POLR1A: variants seen among roughly 807,000 people sequenced by gnomAD.
The protein encoded by POLR1A is DNA-directed RNA polymerase I subunit RPA1.
A neutral mutation model predicts 205.3 loss-of-function variants in POLR1A; 84 were observed. That is an observed-to-expected ratio of 0.41 (90% CI 0.34 to 0.49). POLR1A has a LOEUF of 0.49. Among genes scored for constraint, POLR1A ranks in the 20% least tolerant of loss-of-function variants. The pLI is 0.22. For synonymous variants in POLR1A, 799 were observed against 863.7 expected (o/e 0.93, Z 1.31); for missense variants, 1,645 against 2,204.5 (o/e 0.75, Z 5.08).
At chr2:86,103,308 G>A (rs1392519433) in intron 1 of POLR1A, among the ~76,000 whole-genome samples, 1 of 152,124 alleles carries the variant, frequency 6.6e-6, no homozygotes, top group East Asian at 1.9e-4. Flanking sequence ...AAGGTCCTGA[G>A]GTGGATGTGT....
chr2:86,049,074 G>T, intron 17 of POLR1A, 32 bp from the exon 18 acceptor site: 1 of 1,614,020 alleles, frequency 6.2e-7, no homozygotes, highest in Non-Finnish European at 8.5e-7. Context: ...AGCGGAGGCT[G>T]AGGCCAAACG....
chr2:86,082,839 C>T (rs1169521661), intron 7 of POLR1A, among the ~76,000 whole-genome samples: 1 of 152,162 alleles, frequency 6.6e-6, no homozygotes, highest in Non-Finnish European at 1.5e-5. Context: ...GGCCCACCTG[C>T]AGTTGTCATT....
chr2:86,049,033 C>G lies in POLR1A; in HGVS notation c.2485G>C (p.Ala829Pro), dbSNP rs940518585. ...STHCGPQAVR[A>P]ALNLPEAASY... ...GCGGCTTCTGGCAGGTTTAATGCAGCCCTGACAGCCTAGAATGAGAACAGA... is the reference window on the plus strand; with the variant it reads ...GCGGCTTCTGGCAGGTTTAATGCAGGCCTGACAGCCTAGAATGAGAACAGA... Residue 829 changes from alanine to proline, a missense_variant, in exon 18 of 34, where the codon GCT becomes CCT. Physicochemically the swap from Ala to Pro is conservative, Grantham distance 27 (BLOSUM62 -1). Around this residue, in one of 16 missense-constraint regions of POLR1A, gnomAD observed 339 missense variants for 415.1 expected, o/e 0.82. Coordinates refer to ENST00000263857, the MANE Select transcript of POLR1A (RefSeq NM_015425.6). The G allele has an allele frequency of 4.3e-6, 7 of 1,614,204 alleles. No individual in the cohort carries two copies. The highest frequency in any genetic ancestry group is 1.3e-5 in the African/African-American group (1 of 75,056).
intron 11 of POLR1A, among the ~76,000 whole-genome samples, chr2:86,076,727 G>T (rs1478413066): frequency 6.6e-6 from 1 of 152,198 alleles, no homozygotes; most frequent in Non-Finnish European, 1.5e-5. Context: ...CCAGCACCTA[G>T]AAGATAGAAA....
chr2:86,099,522 C>T (rs1166587879), intron 2 of POLR1A, among the ~76,000 whole-genome samples: 3 of 152,000 alleles, frequency 2.0e-5, no homozygotes, highest in African/African-American at 7.3e-5. Flanking sequence ...GAGCTTCATT[C>T]TGACCTCACT....
chr2:86,039,399 C>T lies in POLR1A; in HGVS notation c.3804G>A (p.Val1268=), dbSNP rs1356155116. The change falls in exon 26 of 34, where the codon GTG becomes GTA. Residue 1268 remains valine (V), a synonymous_variant. Transcript: ENST00000263857. ...NIKTPMMSVP[V]LNTKKALKRV... Reference sequence around the variant, plus strand: ...TCTTCAGGGCTTTCTTGGTGTTGAGCACGGGCACGCTCATCATGGGTGTCT... The same window carrying T: ...TCTTCAGGGCTTTCTTGGTGTTGAGTACGGGCACGCTCATCATGGGTGTCT... 1.9e-6 allele frequency: 3 copies of T among 1,614,042 alleles called. No homozygotes were observed. In the African/African-American group the frequency reaches 4.0e-5, roughly 22 times the overall value.
chr2:86,056,355 G>A (rs1223332974), intron 14 of POLR1A, among the ~76,000 whole-genome samples: 2 of 151,968 alleles, frequency 1.3e-5, no homozygotes, highest in Admixed American at 1.3e-4. Flanking sequence ...GGGAGGCTGA[G>A]GCAGGAGAAT....
intron 23 of POLR1A, 35 bp from the exon 24 acceptor site, chr2:86,042,138 G>A (rs1168084451): frequency 6.9e-7 from 1 of 1,459,080 alleles, no homozygotes. Flanking sequence ...TATGTGGGAG[G>A]GATACCCAGT....
intron 26 of POLR1A, 150 bp downstream of exon 26, chr2:86,039,177 T>C: frequency 3.5e-6 from 3 of 847,206 alleles, no homozygotes; most frequent in Non-Finnish European, 5.6e-6. Context: ...GATCCATCTC[T>C]GCTCAGCACC....
chr2:86,027,138 C>T lies in POLR1A; in HGVS notation c.*285G>A, dbSNP rs977390988. 4.1e-6 allele frequency: 2 copies of T among 492,154 alleles called. No individual in the cohort carries two copies. The allele number at this position is 492,154 out of a possible 1,614,324, so 30.5% of individuals were successfully genotyped here. The stretch of plus-strand genomic sequence containing the variant: ...TATGCCACAGAGGCCTCCTGCAGCA[C>T]AGGTGAGGCCCCAGCCATCTCAGGG... On this transcript the variant is annotated 3_prime_UTR_variant, in exon 34 of 34. Coordinates refer to ENST00000263857, the MANE Select transcript of POLR1A (RefSeq NM_015425.6).
intron 3 of POLR1A, among the ~76,000 whole-genome samples, chr2:86,095,137 G>A (rs763626530): frequency 9.2e-5 from 14 of 152,300 alleles, no homozygotes; most frequent in Non-Finnish European, 1.8e-4. Context: ...CCCTTCCCAC[G>A]AAGCTTTGCT....
In POLR1A at chr2:86,048,963, C is replaced by A; in HGVS notation, c.2555G>T (p.Gly852Val). 2 of 1,613,556 alleles carry A rather than the reference C, an allele frequency of 1.2e-6. No individual in the cohort carries two copies. Among genetic ancestry groups the A allele is most frequent in the Non-Finnish European group, 1.7e-6 (2 of 1,179,422 alleles). ...CATGTTAAAATCCCTCTGGTCCTTG[C>A]CCAGATGGGCATCCTGCCATTTTCC... ...VRGKWQDAHL[G>V]KDQRDFNMID... Residue 852 changes from glycine to valine, a missense_variant, in exon 18 of 34, where the codon GGC (glycine) becomes GTC (valine). By Grantham distance (109) the Gly-to-Val change is moderately radical (BLOSUM62 -3). Coordinates refer to ENST00000263857, the MANE Select transcript of POLR1A (RefSeq NM_015425.6).
intron 1 of POLR1A, 73 bp downstream of exon 1, chr2:86,105,627 G>GCTTCTGGGAA: frequency 1.0e-6 from 1 of 989,722 alleles, no homozygotes; most frequent in Non-Finnish European, 1.6e-6. Context: ...GGGCAAAAGC[G>GCTTCTGGGAA]CTTCTGGGAA....
intron 28 of POLR1A, 49 bp downstream of exon 28, chr2:86,033,612 C>T (rs1384402402): frequency 2.5e-6 from 4 of 1,597,326 alleles, no homozygotes; most frequent in Non-Finnish European, 3.4e-6. Flanking sequence ...CCTGCCCAGT[C>T]TGGGGGCTGT....
intron 12 of POLR1A, among the ~76,000 whole-genome samples, chr2:86,072,838 C>A (rs1351824834): frequency 1.3e-5 from 2 of 152,222 alleles, no homozygotes; most frequent in Non-Finnish European, 2.9e-5. Flanking sequence ...CCGGACGAGA[C>A]CTCAGTGTTT....
At chr2:86,054,054 G>T in intron 15 of POLR1A, 86 bp downstream of exon 15, 1 of 1,314,904 alleles carries the variant, frequency 7.6e-7, no homozygotes, top group South Asian at 1.3e-5. Context: ...TTCTGTGAAT[G>T]TGCCTCCATT....
intron 1 of POLR1A, among the ~76,000 whole-genome samples, chr2:86,105,344 C>T (rs1269427193): frequency 6.6e-6 from 1 of 152,178 alleles, no homozygotes; most frequent in Non-Finnish European, 1.5e-5. Context: ...ATTTTACAAA[C>T]AAGAGGAAAC....
At chr2:86,104,635 A>G (rs1329563902) in intron 1 of POLR1A, among the ~76,000 whole-genome samples, 1 of 151,918 alleles carries the variant, frequency 6.6e-6, no homozygotes, top group Non-Finnish European at 1.5e-5. Flanking sequence ...TTTAGTAGAG[A>G]CGGGGTTTCA....
At chr2:86,045,554 G>T in intron 20 of POLR1A, 63 bp downstream of exon 20, 1 of 1,559,246 alleles carries the variant, frequency 6.4e-7, no homozygotes, top group Non-Finnish European at 8.8e-7. Context: ...GGCAGTCATA[G>T]TTCACCTACA....
Sources: allele counts gnomAD v4.1 joint callset (sites outside exome capture counted in the v4.1 genomes callset), GRCh38; gene constraint gnomAD v4.1.1; regional missense constraint gnomAD v4.1.1; transcripts MANE v1.5; gene names NCBI Gene and HGNC (gene_info 2026-07-23, HGNC 2026-07-21).